Variants in SLC12A6 observed in about 807,000 individuals in gnomAD.
The protein encoded by SLC12A6 is K-Cl cotransporter 3.
A neutral mutation model predicts 135.3 loss-of-function variants in SLC12A6; 66 were observed. That is an observed-to-expected ratio of 0.49 (90% CI 0.40 to 0.60). The LOEUF is 0.60. Among genes scored for constraint, SLC12A6 ranks in the 20% least tolerant of loss-of-function variants. The pLI is 0.00. For synonymous variants in SLC12A6, 513 were observed against 508.8 expected (o/e 1.01, Z -0.11); for missense variants, 1,058 against 1,452.3 (o/e 0.73, Z 4.41).
chr15:34,236,070 G>A lies in SLC12A6; in HGVS notation c.3172C>T (p.Arg1058Trp), dbSNP rs939366777. Residue 1058 changes from arginine (R) to tryptophan (W), a missense_variant, in exon 24 of 26, where the codon CGG becomes TGG. Physicochemically the swap from Arg to Trp is moderately radical, Grantham distance 101. Coordinates refer to ENST00000354181, the MANE Select transcript of SLC12A6 (RefSeq NM_001365088.1). ...TCCATTGACTTCGCTTTTTGTCCCC[G>A]GGATGCCATGTACTTGTCTTTTGTC... ...TWTKDKYMAS[R>W]GQKAKSMEGF... 7.1e-5 allele frequency: 115 copies of A among 1,613,828 alleles called. No homozygotes were observed. Among genetic ancestry groups the A allele is most frequent in the Non-Finnish European group, 9.4e-5 (111 of 1,179,876 alleles).
chr15:34,279,550 G>C (rs936653993), intron 2 of SLC12A6, among the ~76,000 whole-genome samples: 6 of 152,160 alleles, frequency 3.9e-5, no homozygotes, highest in Non-Finnish European at 2.9e-5. Context: ...CAATTGTTCT[G>C]TGTCTAAACT....
In SLC12A6 at chr15:34,254,394, T is replaced by C; in HGVS notation, c.1072A>G (p.Ile358Val). The C allele has an allele frequency of 4.3e-6, 7 of 1,613,702 alleles. No homozygotes were observed. The highest frequency in any genetic ancestry group is 1.3e-5 in the African/African-American group (1 of 75,026). Residue 358 changes from isoleucine (I) to valine (V), a missense_variant, in exon 9 of 26, where the codon ATC becomes GTC. Ile to Val is a conservative substitution (Grantham distance 29). This residue lies in a region of SLC12A6 where 297 missense variants were observed against 318.5 expected (regional missense o/e 0.93). Transcript: ENST00000354181. ...LACVIVSILA[I>V]YAGAIKSSFA... ...GAAGACTTGATGGCTCCAGCATAGA[T>C]GGCCAAGATGGACACAATGACACAG...
chr15:34,243,986 C>T lies in SLC12A6; in HGVS notation c.2030G>A (p.Arg677His), dbSNP rs1351667158. 3.2e-6 allele frequency: 5 copies of T among 1,581,156 alleles called. No individual in the cohort carries two copies. Among genetic ancestry groups the T allele is most frequent in the Admixed American group, 1.7e-5 (1 of 59,980 alleles). Residue 677 changes from arginine to histidine, a missense_variant, in exon 16 of 26, where the codon CGC (arginine) becomes CAC (histidine). Coordinates refer to ENST00000354181, the MANE Select transcript of SLC12A6 (RefSeq NM_001365088.1). ...GAAGCAGACTTACCAATGGTAGTAG[C>T]GGAATCGGGGTCTCCAGTTGGGTGT... is the stretch of plus-strand genomic sequence containing the variant. ...LRTPNWRPRF[R>H]YYHWALSFMG... is the part of the protein sequence containing the mutation.
At chr15:34,254,798 T>G (rs532123108) in intron 8 of SLC12A6, among the ~76,000 whole-genome samples, 1 of 151,236 alleles carries the variant, frequency 6.6e-6, no homozygotes, top group Admixed American at 6.6e-5. Flanking sequence ...CATGCTGTTC[T>G]GAATAACTAC....
chr15:34,269,141 A>G (rs1210151210), intron 3 of SLC12A6, among the ~76,000 whole-genome samples: 1 of 152,188 alleles, frequency 6.6e-6, no homozygotes. Context: ...TACAGGTGTG[A>G]GCCACTGCGC....
At chr15:34,273,127 G>GGT (rs1222970477) in intron 3 of SLC12A6, among the ~76,000 whole-genome samples, 1 of 152,146 alleles carries the variant, frequency 6.6e-6, no homozygotes, top group Non-Finnish European at 1.5e-5. Flanking sequence ...ACAGTGGGTG[G>GGT]GTCACCTGAG....
At position 34,250,359 on chromosome 15, in the gene SLC12A6, C is replaced by T. The variant is rs1892302474; in HGVS notation, c.1592-4G>A. 1 of 1,576,322 alleles carries T rather than the reference C, an allele frequency of 6.3e-7. No individual in the cohort carries two copies. The highest frequency in any genetic ancestry group is 1.1e-5 in the South Asian group (1 of 90,318). ...AAAAGGACAACATTGCTTAAATCTA[C>T]CATATTGAGAGTCAAGGAAACTGTT... is the stretch of plus-strand genomic sequence containing the variant. On this transcript the variant is annotated splice_polypyrimidine_tract_variant and splice_region_variant and intron_variant, in intron 12 of 25. Coordinates refer to ENST00000354181, the MANE Select transcript of SLC12A6 (RefSeq NM_001365088.1).
chr15:34,309,833 G>A (rs1023440582), intron 2 of SLC12A6, among the ~76,000 whole-genome samples: 2 of 152,088 alleles, frequency 1.3e-5, no homozygotes, highest in African/African-American at 2.4e-5. Context: ...TTTAAAGCGT[G>A]CAGATCTAAA....
At chr15:34,249,271 C>T (rs955572007) in intron 13 of SLC12A6, among the ~76,000 whole-genome samples, 3 of 151,912 alleles carry the variant, frequency 2.0e-5, no homozygotes, top group African/African-American at 4.8e-5. Context: ...AAAATAATAG[C>T]GGAAAGGGCT....
At chr15:34,272,169 C>T (rs1894006672) in intron 3 of SLC12A6, among the ~76,000 whole-genome samples, 1 of 152,060 alleles carries the variant, frequency 6.6e-6, no homozygotes, top group South Asian at 2.1e-4. Flanking sequence ...TGGGGTTTCA[C>T]CATCTTGGCT....
intron 2 of SLC12A6, among the ~76,000 whole-genome samples, chr15:34,282,901 C>T (rs1894780844): frequency 6.6e-6 from 1 of 152,170 alleles, no homozygotes; most frequent in Admixed American, 6.5e-5. Flanking sequence ...CCTCAGATGG[C>T]TACTATAAAA....
rs766961535 is a variant in SLC12A6 at position 34,255,244 on chromosome 15, A to C, written c.876+18T>G. Reference sequence around the variant, plus strand: ...ATATTTCTTCTATATTATAGACCACAATGAAGTCATTACTTACCAGAAAGA... The same window carrying C: ...ATATTTCTTCTATATTATAGACCACCATGAAGTCATTACTTACCAGAAAGA... On this transcript the variant is annotated intron_variant, in intron 8 of 25. Coordinates refer to ENST00000354181, the MANE Select transcript of SLC12A6 (RefSeq NM_001365088.1). 1 of 1,563,688 alleles carries C rather than the reference A, an allele frequency of 6.4e-7. No individual in the cohort carries two copies. The highest frequency in any genetic ancestry group is 1.1e-5 in the South Asian group (1 of 90,046).
At chr15:34,299,544 T>TA (rs1164201896) in intron 2 of SLC12A6, 2 of 152,110 alleles carry the variant, frequency 1.3e-5, no homozygotes, top group East Asian at 3.9e-4. Flanking sequence ...GGTGTAGACA[T>TA]AGAGTATGGT....
At chr15:34,270,173 C>T (rs1227849238) in intron 3 of SLC12A6, among the ~76,000 whole-genome samples, 8 of 151,806 alleles carry the variant, frequency 5.3e-5, no homozygotes, top group East Asian at 3.9e-4. Flanking sequence ...CACTCTGTCG[C>T]GGAGTACAGT....
At chr15:34,254,256 C>G (rs1370722520) in intron 9 of SLC12A6, 92 bp downstream of exon 9, 4 of 1,299,204 alleles carry the variant, frequency 3.1e-6, no homozygotes, top group Admixed American at 1.7e-5. Context: ...CTCAGAGAGA[C>G]TCTATGAAAT....
intron 2 of SLC12A6, among the ~76,000 whole-genome samples, chr15:34,331,572 A>G (rs1175219849): frequency 6.6e-6 from 1 of 152,204 alleles, no homozygotes; most frequent in Non-Finnish European, 1.5e-5. Context: ...TTAAGTCTAC[A>G]AGATCTTCAA....
chr15:34,330,505 T>C (rs1325764289), intron 2 of SLC12A6, among the ~76,000 whole-genome samples: 1 of 145,138 alleles, frequency 6.9e-6, no homozygotes, highest in Non-Finnish European at 1.5e-5. Context: ...AAACCTTGTC[T>C]CTACAAAAAA....
intron 2 of SLC12A6, among the ~76,000 whole-genome samples, chr15:34,325,865 T>G (rs995691982): frequency 6.6e-6 from 1 of 152,190 alleles, no homozygotes; most frequent in Non-Finnish European, 1.5e-5. Context: ...ATTATCCAAA[T>G]TAACTATAGA....
At chr15:34,328,742 G>A (rs950904948) in intron 2 of SLC12A6, among the ~76,000 whole-genome samples, 2 of 152,088 alleles carry the variant, frequency 1.3e-5, no homozygotes, top group African/African-American at 4.8e-5. Flanking sequence ...AGTTAGCTGG[G>A]CATGGTGGTG....
Sources: allele counts gnomAD v4.1 joint callset (sites outside exome capture counted in the v4.1 genomes callset), GRCh38; gene constraint gnomAD v4.1.1; regional missense constraint gnomAD v4.1.1; transcripts MANE v1.5; gene names NCBI Gene and HGNC (gene_info 2026-07-23, HGNC 2026-07-21).